The following GPR55 variants were observed in gnomAD, a reference collection of about 807,000 sequenced individuals.
GPR55 encodes the protein G-protein coupled receptor 55.
GPR55 carries 6 observed loss-of-function variants against 7.9 expected under a neutral mutation model. The ratio of observed to expected loss-of-function variants is 0.76; its 90% CI spans 0.41 to 1.49. GPR55 has a LOEUF of 1.49. Ranked by LOEUF, GPR55 falls within the 40% of genes most tolerant of loss-of-function variation. The probability of loss-of-function intolerance (pLI) is 0.01; values close to 1 mark genes in which losing one functional copy is unlikely to be tolerated. For missense variants in GPR55, 376 were observed against 406.0 expected (o/e 0.93, Z 0.63); for synonymous variants, 183 against 166.8 (o/e 1.10, Z -0.75).
At chr2:230,943,938 T>G (rs946631692) in intron 1 of GPR55, among the ~76,000 whole-genome samples, 1 of 152,234 alleles carries the variant, frequency 6.6e-6, no homozygotes, top group Non-Finnish European at 1.5e-5. Flanking sequence ...TAAACCTCTT[T>G]TCTTTATAAA....
chr2:230,923,157 G>A lies in GPR55; in HGVS notation c.-135+2011C>T, dbSNP rs971589501. Among the ~76,000 whole-genome samples the A allele has an allele frequency of 6.6e-6, 1 of 152,174 alleles. No homozygotes were observed. On this transcript the variant is annotated intron_variant, in intron 1 of 1. Transcript: ENST00000650999. The surrounding 1 kb of genome is among the most constrained non-coding windows in gnomAD (Gnocchi z 4.1). The stretch of plus-strand genomic sequence containing the variant: ...GCTTTGCCTGCACAGCTGAGACCTC[G>A]AAACCCAGCTATGTGGCTCCACACC...
At chr2:230,931,778 C>T (rs528586675) in intron 1 of GPR55, among the ~76,000 whole-genome samples, 220 of 152,274 alleles carry the variant, frequency 1.4e-3, no homozygotes, top group African/African-American at 4.9e-3. Context: ...TGCTCCCCTT[C>T]CTTCCACACC....
rs1690877400 is a variant in GPR55 at position 230,923,223 on chromosome 2, G to C, written c.-135+1945C>G. 6.6e-6 allele frequency among the ~76,000 whole-genome samples: 1 copy of C among 152,204 alleles called. No homozygotes were observed. The highest frequency in any genetic ancestry group is 1.5e-5 in the Non-Finnish European group (1 of 68,024). On this transcript the variant is annotated intron_variant, in intron 1 of 1. Transcript: ENST00000650999. This position sits in a 1 kb window ranked among gnomAD's most constrained non-coding sequence, Gnocchi z 4.1. ...CCCTCTGTGGCCTGGACTTTCCAGA[G>C]AACACAAGCAACAAGAAGATCACAA...
At chr2:230,936,071 T>A (rs914464636) in intron 1 of GPR55, among the ~76,000 whole-genome samples, 1 of 152,048 alleles carries the variant, frequency 6.6e-6, no homozygotes, top group African/African-American at 2.4e-5. Context: ...ATTAAAGAGG[T>A]TGGCAGAGAG....
rs535757667 is a variant in GPR55 at position 230,924,193 on chromosome 2, G to C, written c.-135+975C>G. Among the ~76,000 whole-genome samples the C allele has an allele frequency of 6.6e-6, 1 of 152,310 alleles. No individual in the cohort carries two copies. The highest frequency in any genetic ancestry group is 2.4e-5 in the African/African-American group (1 of 41,572). ...TGGGAAGGTCTTATTGCATGAAAGAGGGGGTGAAGAAATGACGGAACAAAT... is the reference window on the plus strand; with the variant it reads ...TGGGAAGGTCTTATTGCATGAAAGACGGGGTGAAGAAATGACGGAACAAAT... On this transcript the variant is annotated intron_variant, in intron 1 of 1. Transcript: ENST00000650999. The surrounding 1 kb of genome is among the most constrained non-coding windows in gnomAD (Gnocchi z 4.5).
chr2:230,909,560 C>T lies in GPR55; in HGVS notation c.*443G>A, dbSNP rs1460156753. The T allele has an allele frequency of 5.7e-6, 1 of 176,420 alleles. No homozygotes were observed. The highest frequency in any genetic ancestry group is 1.4e-4 in the South Asian group (1 of 7,162). 10.9% of individuals were successfully genotyped at this position (176,420 alleles called of 1,614,324 possible). Reference sequence around the variant, plus strand: ...TAAAAAGGGACTTCACTCATCCCTACCACCCCACCTCTGCCCAAGACACTC... The same window carrying T: ...TAAAAAGGGACTTCACTCATCCCTATCACCCCACCTCTGCCCAAGACACTC... On this transcript the variant is annotated 3_prime_UTR_variant, in exon 2 of 2. Coordinates refer to ENST00000650999, the MANE Select transcript of GPR55 (RefSeq NM_005683.4).
chr2:230,959,055 G>C (rs1440981790), intron 1 of GPR55, among the ~76,000 whole-genome samples: 1 of 152,196 alleles, frequency 6.6e-6, no homozygotes, highest in African/African-American at 2.4e-5. Context: ...ATGGAAATCA[G>C]CATAGCTTTG....
chr2:230,951,937 TTA>T (rs1243761324), intron 1 of GPR55, among the ~76,000 whole-genome samples: 1 of 138,108 alleles, frequency 7.2e-6, no homozygotes, highest in African/African-American at 2.8e-5. Flanking sequence ...TTTTTTTTTT[TTA>T]ATTTTTTTGC....
At chr2:230,916,301 C>T (rs1690714266) in intron 1 of GPR55, among the ~76,000 whole-genome samples, 1 of 151,854 alleles carries the variant, frequency 6.6e-6, no homozygotes, top group African/African-American at 2.4e-5. Context: ...GTGGGAGGAT[C>T]ACTTGAGCCC....
In GPR55 at chr2:230,944,433, AGG is replaced by A. The variant is rs1348507590; in HGVS notation, c.-135+16340_-135+16341del. On this transcript the variant is annotated intron_variant, in intron 1 of 1. Transcript: ENST00000392039. The surrounding 1 kb of genome is among the most constrained non-coding windows in gnomAD (Gnocchi z 4.2). ...GAAGGGAAGGGGAGAAAGCCTGTGG[AGG>A]GAGGTGGAGGAGCCGTGGTTTCCAG... Among the ~76,000 whole-genome samples, 3 of 152,156 alleles carry A rather than the reference AGG, an allele frequency of 2.0e-5. No homozygotes were observed. Among genetic ancestry groups the A allele is most frequent in the Admixed American group, 1.3e-4 (2 of 15,276 alleles).
Position 230,910,642 on chromosome 2 carries a change from T to G in GPR55, c.321A>C (p.Gly107=). ...TGATGAAGCAGATGGTGAAGACGCT[T>G]CCGTACATGCTGACGAAGTAAAGGC... The part of the protein sequence containing the change: ...VECLYFVSMY[G]SVFTICFISM... Residue 107 remains glycine (G), a synonymous_variant, in exon 2 of 2, where the codon GGA becomes GGC. Coordinates refer to ENST00000650999, the MANE Select transcript of GPR55 (RefSeq NM_005683.4). The surrounding 1 kb of genome is among the most constrained non-coding windows in gnomAD (Gnocchi z 5.4). The G allele has an allele frequency of 1.2e-6, 2 of 1,613,872 alleles. No homozygotes were observed. The highest frequency in any genetic ancestry group is 1.7e-6 in the Non-Finnish European group (2 of 1,179,978).
chr2:230,941,075 C>G (rs1038977084), intron 1 of GPR55, among the ~76,000 whole-genome samples: 3 of 151,954 alleles, frequency 2.0e-5, no homozygotes, highest in African/African-American at 7.3e-5. Flanking sequence ...CAAGATGGCA[C>G]CACTGCACTC....
chr2:230,914,489 G>C (rs946133704), intron 1 of GPR55, among the ~76,000 whole-genome samples: 3 of 152,178 alleles, frequency 2.0e-5, no homozygotes, highest in Non-Finnish European at 4.4e-5. Context: ...CCCTCTGAAA[G>C]TCCAAGGAAA....
rs138991984 is a variant in GPR55, at chr2:230,923,428, G to A, written c.-135+1740C>T. 5.3e-5 allele frequency among the ~76,000 whole-genome samples: 8 copies of A among 152,334 alleles called. No individual in the cohort carries two copies. Among genetic ancestry groups the A allele is most frequent in the Admixed American group, 1.3e-4 (2 of 15,298 alleles). On this transcript the variant is annotated intron_variant, in intron 1 of 1. Transcript: ENST00000650999. This position sits in a 1 kb window ranked among gnomAD's most constrained non-coding sequence, Gnocchi z 4.1. ...CCTGGAATACTCCCCCAAAAATGCC[G>A]CAGTTAGAATACACAGCGTATCCAC...
rs140982743 is a variant in GPR55 at position 230,957,053 on chromosome 2, C to G, written c.-135+3722G>C. Among the ~76,000 whole-genome samples the G allele has an allele frequency of 1.1e-3, 162 of 152,102 alleles. 1 individual carries two copies. Among genetic ancestry groups the G allele is most frequent in the African/African-American group, 3.4e-3 (142 of 41,504 alleles). On this transcript the variant is annotated intron_variant, in intron 1 of 1. Coordinates refer to the GPR55 transcript ENST00000392039. ...CCCACGAATGTAATGCCTTTTTCGT[C>G]TTAACTAAGCACTTATCACGCACTG...
chr2:230,937,388 G>T (rs963197567), intron 1 of GPR55, among the ~76,000 whole-genome samples: 5 of 84,146 alleles, frequency 5.9e-5, no homozygotes, highest in African/African-American at 4.8e-4. Flanking sequence ...CTGGGCAAGA[G>T]AGTGAGGCAT....
At chr2:230,948,737 G>T (rs1387984959) in intron 1 of GPR55, among the ~76,000 whole-genome samples, 2 of 152,174 alleles carry the variant, frequency 1.3e-5, no homozygotes, top group East Asian at 1.9e-4. Flanking sequence ...CCAATTATAG[G>T]TCATTTAGGA....
intron 1 of GPR55, among the ~76,000 whole-genome samples, chr2:230,946,944 C>T (rs1043274128): frequency 3.3e-5 from 5 of 152,324 alleles, no homozygotes; most frequent in South Asian, 2.1e-4. Flanking sequence ...TTAATCACAT[C>T]ATATTTTAGT....
intron 1 of GPR55, among the ~76,000 whole-genome samples, chr2:230,934,945 G>A (rs2125063373): frequency 6.6e-6 from 1 of 152,174 alleles, no homozygotes; most frequent in African/African-American, 2.4e-5. Flanking sequence ...CCTACATTCT[G>A]CTGACTGCGC....
Sources: gnomAD v4.1 joint callset for allele counts (sites outside exome capture counted in the v4.1 genomes callset) on GRCh38, gnomAD v4.1.1 for gene constraint, Gnocchi (gnomAD v3.1) non-coding constraint, MANE v1.5 for transcripts, NCBI Gene and HGNC (gene_info 2026-07-23, HGNC 2026-07-21) for gene names.